WIPF1: variants seen among roughly 807,000 people sequenced by gnomAD.
WIPF1 encodes WAS/WASL-interacting protein family member 1.
A neutral mutation model predicts 35.4 loss-of-function variants in WIPF1; 13 were observed. The observed-to-expected ratio is 0.37, with a 90% CI of 0.24 to 0.58. WIPF1 has a LOEUF of 0.58. Among genes scored for constraint, WIPF1 ranks in the 20% least tolerant of loss-of-function variants. The probability of loss-of-function intolerance (pLI) is 0.74; values close to 1 mark genes in which losing one functional copy is unlikely to be tolerated. For synonymous variants in WIPF1, 267 were observed against 266.3 expected (o/e 1.00, Z -0.02); for missense variants, 591 against 667.0 (o/e 0.89, Z 1.25).
intron 1 of WIPF1, among the ~76,000 whole-genome samples, chr2:174,611,156 T>A (rs940667686): frequency 1.6e-4 from 24 of 152,158 alleles, no homozygotes; most frequent in Admixed American, 5.9e-4. Context: ...TACACTCCTA[T>A]CTGCGTTGAT....
chr2:174,621,018 C>T (rs935315138), intron 1 of WIPF1, among the ~76,000 whole-genome samples: 1 of 152,156 alleles, frequency 6.6e-6, no homozygotes, highest in African/African-American at 2.4e-5. Flanking sequence ...GGAGTTTGGA[C>T]TTCGCCTGGA....
intron 1 of WIPF1, among the ~76,000 whole-genome samples, chr2:174,679,460 T>A (rs1688205972): frequency 6.7e-6 from 1 of 149,380 alleles, no homozygotes; most frequent in African/African-American, 2.5e-5. Context: ...AGAGTAAAAA[T>A]TTGTCTCAAA....
intron 1 of WIPF1, among the ~76,000 whole-genome samples, 192 bp downstream of exon 1, chr2:174,597,409 A>C (rs1393468270): frequency 3.9e-5 from 6 of 152,258 alleles, no homozygotes; most frequent in Admixed American, 1.3e-4. Flanking sequence ...GGCTCAAAGC[A>C]TAAGTTATGA....
At chr2:174,626,624 ACACTT>A (rs1686841918) in intron 1 of WIPF1, among the ~76,000 whole-genome samples, 2 of 152,046 alleles carry the variant, frequency 1.3e-5, no homozygotes, top group South Asian at 4.2e-4. Flanking sequence ...TATTCTTACT[ACACTT>A]AGGCCACTTC....
Position 174,571,917 on chromosome 2 carries a change from G to A in WIPF1, c.888C>T (p.Ser296=). The change falls in exon 5 of 8, where the codon TCC becomes TCT. Residue 296 remains serine, a synonymous_variant. Coordinates refer to ENST00000679041, the MANE Select transcript of WIPF1 (RefSeq NM_001375834.1). The surrounding 1 kb of genome is among the most constrained non-coding windows in gnomAD (Gnocchi z 4.6). ...GTGAGGAGGCCGAAGGCCGCGGAGT[G>A]GAAGGCACTGGAGGCTTGTTGTTCT... is the stretch of plus-strand genomic sequence containing the variant. ...PPQNNKPPVP[S]TPRPSASSQA... is the part of the protein sequence containing the mutation. 1.9e-6 allele frequency: 3 copies of A among 1,607,268 alleles called. No homozygotes were observed. Among genetic ancestry groups the A allele is most frequent in the African/African-American group, 1.3e-5 (1 of 74,898 alleles).
rs148482240 is a variant in WIPF1 at position 174,569,531 on chromosome 2, G to A, written c.1130-1458C>T. The stretch of plus-strand genomic sequence containing the variant: ...AACTTCATCTCATTTTCTTTTTAAA[G>A]TAAATGGTCATGTTCATGTTCCTAA... On this transcript the variant is annotated intron_variant, in intron 5 of 7. Coordinates refer to ENST00000679041, the MANE Select transcript of WIPF1 (RefSeq NM_001375834.1). Among the ~76,000 whole-genome samples the A allele has an allele frequency of 1.2e-4, 18 of 152,228 alleles. No homozygotes were observed. In the East Asian group the frequency reaches 3.3e-3, roughly 28 times the overall value.
intron 1 of WIPF1, among the ~76,000 whole-genome samples, chr2:174,669,657 T>C (rs982596546): frequency 1.3e-5 from 2 of 152,200 alleles, no homozygotes; most frequent in African/African-American, 2.4e-5. Context: ...TGAGAACTGC[T>C]TGAGGCCAGG....
chr2:174,675,153 T>C (rs1239208588), intron 1 of WIPF1, among the ~76,000 whole-genome samples: 1 of 152,186 alleles, frequency 6.6e-6, no homozygotes, highest in African/African-American at 2.4e-5. Context: ...ACTATATATG[T>C]GCATATATAC....
At chr2:174,634,356 C>CTAA in intron 1 of WIPF1, among the ~76,000 whole-genome samples, 1 of 152,174 alleles carries the variant, frequency 6.6e-6, no homozygotes, top group Non-Finnish European at 1.5e-5. Context: ...AGCGTTTGTT[C>CTAA]CTCTAACAAC....
intron 1 of WIPF1, among the ~76,000 whole-genome samples, chr2:174,666,088 C>T (rs564472602): frequency 2.0e-5 from 3 of 152,284 alleles, no homozygotes; most frequent in African/African-American, 7.2e-5. Flanking sequence ...TGAGACCAGC[C>T]TGGGCAACAC....
chr2:174,621,029 G>A (rs915306549), intron 1 of WIPF1, among the ~76,000 whole-genome samples: 9 of 152,164 alleles, frequency 5.9e-5, no homozygotes, highest in African/African-American at 1.9e-4. Context: ...TTCGCCTGGA[G>A]GTGTTAGGAC....
intron 1 of WIPF1, among the ~76,000 whole-genome samples, chr2:174,627,854 T>C (rs1199750113): frequency 1.3e-5 from 2 of 152,190 alleles, no homozygotes; most frequent in African/African-American, 4.8e-5. Context: ...TGGCCAGGCC[T>C]TGTGATTTCT....
At chr2:174,659,716 C>T (rs962547714) in intron 1 of WIPF1, among the ~76,000 whole-genome samples, 1 of 152,212 alleles carries the variant, frequency 6.6e-6, no homozygotes, top group African/African-American at 2.4e-5. Context: ...CTCAGTCGTT[C>T]ATTGAGCACC....
intron 3 of WIPF1, among the ~76,000 whole-genome samples, chr2:174,576,230 C>CAAAAAAAAAAAAAAAAAAAAAA (rs66562213): frequency 3.0e-5 from 3 of 98,958 alleles, no homozygotes; most frequent in African/African-American, 1.3e-4. Context: ...TGCACTCCAG[C>CAAAAAAAAAAAAAAAAAAAAAA]AAAAAAAAAA....
At chr2:174,678,767 A>G (rs1225909861) in intron 1 of WIPF1, among the ~76,000 whole-genome samples, 1 of 152,242 alleles carries the variant, frequency 6.6e-6, no homozygotes, top group African/African-American at 2.4e-5. Context: ...GACAACCTCA[A>G]CAGAGTAGGT....
intron 1 of WIPF1, among the ~76,000 whole-genome samples, chr2:174,617,256 T>C (rs779454162): frequency 1.3e-5 from 2 of 152,216 alleles, no homozygotes; most frequent in Non-Finnish European, 2.9e-5. Context: ...CAGTCAGTCA[T>C]CCTCTGCAGC....
At chr2:174,582,645 A>G (rs1685278652) in intron 2 of WIPF1, among the ~76,000 whole-genome samples, 1 of 152,054 alleles carries the variant, frequency 6.6e-6, no homozygotes, top group Non-Finnish European at 1.5e-5. Context: ...ACAGCCTCGA[A>G]CTCTTGGGCT....
intron 1 of WIPF1, among the ~76,000 whole-genome samples, chr2:174,662,650 G>A (rs536210310): frequency 2.5e-4 from 38 of 152,288 alleles, no homozygotes; most frequent in African/African-American, 8.2e-4. Context: ...AGCCCGTCAC[G>A]GCAGCAACCC....
At chr2:174,600,373 A>G (rs576527462), upstream of WIPF1, among the ~76,000 whole-genome samples, 9 of 152,252 alleles carry the variant, frequency 5.9e-5, no homozygotes, top group South Asian at 2.1e-4. Context: ...AAACCCTCCA[A>G]TGACTTCTCA....
Sources: gnomAD v4.1 joint callset for allele counts (sites outside exome capture counted in the v4.1 genomes callset) on GRCh38, gnomAD v4.1.1 for gene constraint, Gnocchi (gnomAD v3.1) non-coding constraint, MANE v1.5 for transcripts, NCBI Gene and HGNC (gene_info 2026-07-23, HGNC 2026-07-21) for gene names.